RANBP2: variants seen among roughly 807,000 people sequenced by gnomAD.
RANBP2 encodes the protein RAN binding protein 2.
Under a neutral mutation model 303.6 loss-of-function variants are expected in RANBP2, and 57 were observed. The observed-to-expected ratio is 0.19, with a 90% confidence interval of 0.15 to 0.23. RANBP2 has a LOEUF of 0.23. Ranked by LOEUF, RANBP2 falls within the 10% of genes least tolerant of loss-of-function variation. The pLI is 1.00. For missense variants in RANBP2, 3,138 were observed against 3,780.8 expected (o/e 0.83, Z 4.46); for synonymous variants, 1,167 against 1,301.5 (o/e 0.90, Z 2.23).
chr2:108,720,390 G>A (rs2149051377), intron 1 of RANBP2, among the ~76,000 whole-genome samples: 1 of 150,832 alleles, frequency 6.6e-6, no homozygotes, highest in South Asian at 2.1e-4. Context: ...CTTACAAATC[G>A]TTAGTATGGC....
At chr2:109,264,410 C>A in the RANBP2 span, among the ~76,000 whole-genome samples, 3 of 152,198 alleles carry the variant, frequency 2.0e-5, no homozygotes, top group Admixed American at 2.0e-4. Flanking sequence ...GTGGGTGCCC[C>A]CCATCCACCT....
chr2:109,241,398 A>G, the RANBP2 span, among the ~76,000 whole-genome samples: 1 of 152,354 alleles, frequency 6.6e-6, no homozygotes, highest in African/African-American at 2.4e-5. Flanking sequence ...CTAGGGCCAT[A>G]TGGGTATAGA....
At chr2:108,868,909 A>G in the RANBP2 span, among the ~76,000 whole-genome samples, 2 of 151,832 alleles carry the variant, frequency 1.3e-5, no homozygotes, top group African/African-American at 4.9e-5. Context: ...GTGAAAGAAA[A>G]AAATGAAATT....
chr2:108,939,017 A>C, the RANBP2 span, among the ~76,000 whole-genome samples: 1 of 150,972 alleles, frequency 6.6e-6, no homozygotes, highest in Non-Finnish European at 1.5e-5. Context: ...TGACCTCATG[A>C]TCTGCCCACC....
chr2:109,136,525 T>A, the RANBP2 span, among the ~76,000 whole-genome samples: 7 of 152,190 alleles, frequency 4.6e-5, no homozygotes, highest in African/African-American at 1.7e-4. Context: ...GTGTATAAAG[T>A]TGCAGCATGA....
chr2:109,113,571 C>T, the RANBP2 span, among the ~76,000 whole-genome samples: 1 of 152,206 alleles, frequency 6.6e-6, no homozygotes, highest in African/African-American at 2.4e-5. Flanking sequence ...ACAATCATGT[C>T]ATCTGCAAAC....
chr2:108,740,672 A>G lies in RANBP2; in HGVS notation c.966A>G (p.Ile322Met), dbSNP rs1281507131. Residue 322 changes from isoleucine to methionine, a missense_variant, in exon 7 of 29, where the codon ATA becomes ATG. Ile to Met is a conservative substitution (Grantham distance 10). Transcript: ENST00000283195. ...AGCTGGCTGCATTGTGCTATCTCATAGCATTTCAGGTAAGTCTTCCACTTG... is the reference window on the plus strand; with the variant it reads ...AGCTGGCTGCATTGTGCTATCTCATGGCATTTCAGGTAAGTCTTCCACTTG... ...LSELAALCYL[I>M]AFQVPRPKIK... The G allele has an allele frequency of 6.3e-7, 1 of 1,597,538 alleles. No homozygotes were observed. The highest frequency in any genetic ancestry group is 1.7e-5 in the Admixed American group (1 of 60,008).
the RANBP2 span, chr2:109,617,497 T>C: frequency 1.8e-5 from 3 of 167,202 alleles, no homozygotes; most frequent in East Asian, 3.9e-4. Flanking sequence ...TGTTATAAGA[T>C]TGGAAACAAT....
At chr2:109,200,872 G>A in the RANBP2 span, among the ~76,000 whole-genome samples, 9 of 152,344 alleles carry the variant, frequency 5.9e-5, no homozygotes, top group Admixed American at 5.2e-4. Context: ...CCTGTCATGG[G>A]GTTTCCTATG....
the RANBP2 span, among the ~76,000 whole-genome samples, chr2:109,222,224 G>T: frequency 6.6e-6 from 1 of 152,156 alleles, no homozygotes. Flanking sequence ...GGTAAAGAAA[G>T]GTTGGTTAAG....
the RANBP2 span, among the ~76,000 whole-genome samples, chr2:109,227,153 C>G: frequency 2.6e-5 from 4 of 152,172 alleles, no homozygotes; most frequent in Non-Finnish European, 5.9e-5. Flanking sequence ...GAACTGATGG[C>G]AGTGGCAGTG....
At chr2:109,078,502 G>A in the RANBP2 span, among the ~76,000 whole-genome samples, 2 of 148,830 alleles carry the variant, frequency 1.3e-5, no homozygotes, top group Non-Finnish European at 3.0e-5. Context: ...CAGGGACAGG[G>A]GTGAGGTGAG....
At chr2:109,540,662 GAA>G in the RANBP2 span, among the ~76,000 whole-genome samples, 846 of 137,386 alleles carry the variant, frequency 6.2e-3, 13 homozygotes, top group African/African-American at 0.021. Flanking sequence ...ACCAAAAAAG[GAA>G]AAAAAAAAAA....
intron 25 of RANBP2, 103 bp from the exon 26 acceptor site, chr2:108,781,166 A>T (rs1678229034): frequency 2.6e-6 from 3 of 1,147,444 alleles, no homozygotes; most frequent in Non-Finnish European, 3.9e-6. Flanking sequence ...AAATTGATGT[A>T]CATATTACAT....
chr2:109,008,273 T>C, the RANBP2 span, among the ~76,000 whole-genome samples: 45 of 152,146 alleles, frequency 3.0e-4, no homozygotes, highest in Admixed American at 2.7e-3. Flanking sequence ...CCAGACTGTG[T>C]AGCAGAGAAT....
At chr2:109,407,320 A>C in the RANBP2 span, among the ~76,000 whole-genome samples, 1 of 152,222 alleles carries the variant, frequency 6.6e-6, no homozygotes, top group Non-Finnish European at 1.5e-5. Flanking sequence ...GAGAACATCA[A>C]AAGACAGCAT....
chr2:108,968,123 A>G, the RANBP2 span, among the ~76,000 whole-genome samples: 1 of 152,178 alleles, frequency 6.6e-6, no homozygotes, highest in Non-Finnish European at 1.5e-5. Flanking sequence ...TGATTTTCAC[A>G]GCCACCACCT....
the RANBP2 span, among the ~76,000 whole-genome samples, chr2:109,726,060 T>TGA: frequency 2.3e-5 from 2 of 85,760 alleles, no homozygotes; most frequent in African/African-American, 6.6e-5. Context: ...TTGCTTTTGG[T>TGA]GTGTGTGTGT....
chr2:109,174,508 G>A, the RANBP2 span, among the ~76,000 whole-genome samples: 2 of 152,202 alleles, frequency 1.3e-5, no homozygotes, highest in Non-Finnish European at 2.9e-5. Context: ...GCCCAGCCAG[G>A]GCAACGGGCA....
Sources: allele counts gnomAD v4.1 joint callset (sites outside exome capture counted in the v4.1 genomes callset), GRCh38; gene constraint gnomAD v4.1.1; transcripts MANE v1.5; gene names NCBI Gene and HGNC (gene_info 2026-07-23, HGNC 2026-07-21).